NCR2: variants seen among roughly 807,000 people sequenced by gnomAD.
NCR2 encodes the protein NK cell activating receptor (NKp44).
Under a neutral mutation model 30.7 loss-of-function variants are expected in NCR2, and 35 were observed. That is an observed-to-expected ratio of 1.14 (90% CI 0.87 to 1.51). The LOEUF (loss-of-function observed/expected upper bound fraction) is 1.51. NCR2 is among the 40% of genes most tolerant of loss of function. The probability of loss-of-function intolerance (pLI) is 0.00; values close to 1 mark genes in which losing one functional copy is unlikely to be tolerated. For missense variants in NCR2, 316 were observed against 328.9 expected, an observed-to-expected ratio of 0.96 and a Z score of 0.30; for synonymous variants, 146 against 134.8, an observed-to-expected ratio of 1.08 and a Z score of -0.58.
At chr6:41,348,295 G>A (rs1769349688) in intron 4 of NCR2, among the ~76,000 whole-genome samples, 1 of 152,118 alleles carries the variant, frequency 6.6e-6, no homozygotes, top group Non-Finnish European at 1.5e-5. Flanking sequence ...ACCAGGTCCA[G>A]GTGTGGAGGA....
At chr6:41,341,696 G>C in intron 2 of NCR2, 98 bp from the exon 3 acceptor site, 1 of 1,447,656 alleles carries the variant, frequency 6.9e-7, no homozygotes, top group Non-Finnish European at 9.3e-7. Flanking sequence ...CATGGGCTCT[G>C]TTCCCAGTCT....
chr6:41,337,649 A>C (rs780811345), intron 2 of NCR2, among the ~76,000 whole-genome samples: 10 of 152,222 alleles, frequency 6.6e-5, no homozygotes, highest in Non-Finnish European at 1.0e-4. Context: ...TACTCACAGT[A>C]GAAGCCCAGA....
intron 4 of NCR2, among the ~76,000 whole-genome samples, chr6:41,346,297 T>A (rs1769297626): frequency 6.6e-6 from 1 of 152,166 alleles, no homozygotes; most frequent in South Asian, 2.1e-4. Flanking sequence ...TCCTCTTCCC[T>A]ATTTCAGCCA....
At chr6:41,346,897 A>C (rs1769314527) in intron 4 of NCR2, among the ~76,000 whole-genome samples, 1 of 152,100 alleles carries the variant, frequency 6.6e-6, no homozygotes, top group Non-Finnish European at 1.5e-5. Flanking sequence ...GAAGGAAAGA[A>C]GGAAAAGGGA....
At position 41,343,039 on chromosome 6, in the gene NCR2, T is replaced by A. The variant is rs569974102; in HGVS notation, c.644+890T>A. The A allele has an allele frequency of 3.2e-5, 50 of 1,546,444 alleles. No homozygotes were observed. The East Asian group carries it at 1.2e-3, about 37-fold the overall frequency. On this transcript the variant is annotated intron_variant, in intron 4 of 4. Coordinates refer to ENST00000373089, the MANE Select transcript of NCR2 (RefSeq NM_004828.4). Reference sequence around the variant, plus strand: ...CAGGGCACCAGGTGGGCGGCCAGTCTCCAACAAGGCTGGGCTCCCAGCAGC... The same window carrying A: ...CAGGGCACCAGGTGGGCGGCCAGTCACCAACAAGGCTGGGCTCCCAGCAGC...
intron 4 of NCR2, among the ~76,000 whole-genome samples, chr6:41,350,096 C>T (rs1769393269): frequency 6.6e-6 from 1 of 152,174 alleles, no homozygotes; most frequent in South Asian, 2.1e-4. Context: ...TAACAAAGAA[C>T]CCCCTTCCTT....
chr6:41,341,750 G>A (rs769956375), intron 2 of NCR2, 44 bp from the exon 3 acceptor site: 18 of 1,570,292 alleles, frequency 1.1e-5, no homozygotes, highest in Non-Finnish European at 1.6e-5. Context: ...AGGCACAAGT[G>A]AGGTCTCCCA....
At chr6:41,342,265 A>T (rs1769193915) in intron 4 of NCR2, 116 bp downstream of exon 4, 1 of 1,400,060 alleles carries the variant, frequency 7.1e-7, no homozygotes, top group African/African-American at 1.4e-5. Flanking sequence ...TAATCGGCAG[A>T]GCTCTCCAAA....
chr6:41,336,529 G>A (rs139930258), intron 2 of NCR2, 101 bp downstream of exon 2: 21 of 951,450 alleles, frequency 2.2e-5, no homozygotes, highest in Middle Eastern at 2.8e-4. Flanking sequence ...CCATGCCCAC[G>A]CCCCAGTCTC....
intron 2 of NCR2, among the ~76,000 whole-genome samples, chr6:41,338,855 C>T (rs1436353606): frequency 1.8e-4 from 27 of 152,144 alleles, no homozygotes; most frequent in Non-Finnish European, 1.9e-4. Flanking sequence ...GTAAAGCAAA[C>T]GTTGTTCAGT....
Position 41,341,844 on chromosome 6 carries a change from C to T in NCR2, c.445C>T (p.Gln149Ter), listed in dbSNP as rs1430769051. ...GACTCCCCGCGACCTGGTCTCTTCA[C>T]AGACCCAGACCCAGAGCTGTGTGCC... is the stretch of plus-strand genomic sequence containing the variant. The part of the protein sequence containing the change: ...SWTPRDLVSS[Q>*]TQTQSCVPPT... The change falls in exon 3 of 5, where the codon CAG becomes TAG. Residue 149 changes from glutamine (Q) to a stop codon, truncating the protein, a stop_gained. Transcript: ENST00000373089. LOFTEE classifies it high-confidence loss of function. 6.2e-7 allele frequency: 1 copy of T among 1,613,262 alleles called. No homozygotes were observed. The highest frequency in any genetic ancestry group is 8.5e-7 in the Non-Finnish European group (1 of 1,179,698).
Position 41,347,217 on chromosome 6 carries a change from A to C in NCR2, c.645-3461A>C, listed in dbSNP as rs138976563. On this transcript the variant is annotated intron_variant, in intron 4 of 4. Coordinates refer to ENST00000373089, the MANE Select transcript of NCR2 (RefSeq NM_004828.4). Reference sequence around the variant, plus strand: ...GTGACAGAGCAAGACCCTGTCTAAAATAGAAAAAGGAATATTCATCCAGGA... The same window carrying C: ...GTGACAGAGCAAGACCCTGTCTAAACTAGAAAAAGGAATATTCATCCAGGA... 9.5e-4 allele frequency among the ~76,000 whole-genome samples: 145 copies of C among 152,244 alleles called. 1 individual carries two copies. The East Asian group carries it at 0.025, about 26-fold the overall frequency.
intron 4 of NCR2, among the ~76,000 whole-genome samples, chr6:41,348,351 C>T (rs377365648): frequency 6.6e-6 from 1 of 152,100 alleles, no homozygotes; most frequent in East Asian, 1.9e-4. Context: ...AGTATGAAGA[C>T]CTGTGAGCTA....
At chr6:41,338,976 G>A (rs1769099751) in intron 2 of NCR2, among the ~76,000 whole-genome samples, 1 of 152,202 alleles carries the variant, frequency 6.6e-6, no homozygotes, top group African/African-American at 2.4e-5. Context: ...CCTTTCAAGA[G>A]CTTTTCAATC....
intron 4 of NCR2, among the ~76,000 whole-genome samples, chr6:41,347,272 G>A (rs112267289): frequency 2.0e-5 from 3 of 152,098 alleles, no homozygotes; most frequent in Non-Finnish European, 2.9e-5. Flanking sequence ...TCATCTTCCC[G>A]GGTTGTATGT....
chr6:41,342,082 C>CCA lies in NCR2; in HGVS notation c.577_578insCA (p.Leu193ProfsTer11). 6.2e-7 allele frequency: 1 copy of CCA among 1,613,944 alleles called. No homozygotes were observed. Among genetic ancestry groups the CCA allele is most frequent in the Non-Finnish European group, 8.5e-7 (1 of 1,180,024 alleles). The stretch of plus-strand genomic sequence containing the variant: ...CCCTGGCCCTGCAGCCCCCATTGCC[C>CCA]TGGTGCCTGTGTTCTGTGGACTCCT... On this transcript the variant is annotated frameshift_variant, in exon 4 of 5. Transcript: ENST00000373089. LOFTEE classifies it high-confidence loss of function.
chr6:41,342,509 C>T (rs558799508), intron 4 of NCR2, among the ~76,000 whole-genome samples: 8 of 151,522 alleles, frequency 5.3e-5, no homozygotes, highest in African/African-American at 1.7e-4. Flanking sequence ...CTCTCTACCC[C>T]TCCCTCCTCT....
At chr6:41,339,150 C>T (rs1389244562) in intron 2 of NCR2, among the ~76,000 whole-genome samples, 3 of 152,206 alleles carry the variant, frequency 2.0e-5, no homozygotes, top group African/African-American at 7.2e-5. Flanking sequence ...CAACCTCCAC[C>T]TCCAGGGTTC....
At chr6:41,347,071 C>T (rs1033546378) in intron 4 of NCR2, among the ~76,000 whole-genome samples, 3 of 152,148 alleles carry the variant, frequency 2.0e-5, no homozygotes, top group African/African-American at 4.8e-5. Flanking sequence ...ATATTCCAGC[C>T]GAGCATGGAG....
Sources: allele counts gnomAD v4.1 joint callset (sites outside exome capture counted in the v4.1 genomes callset), GRCh38; gene constraint gnomAD v4.1.1; transcripts MANE v1.5; gene names NCBI Gene and HGNC (gene_info 2026-07-23, HGNC 2026-07-21).